Variants in SMCHD1 observed in about 807,000 individuals in gnomAD.
The protein encoded by SMCHD1 is structural maintenance of chromosomes flexible hinge domain containing 1, also known as structural maintenance of chromosomes flexible hinge domain-containing protein 1.
A neutral mutation model predicts 254.7 loss-of-function variants in SMCHD1; 78 were observed. The ratio of observed to expected loss-of-function variants is 0.31; its 90% CI spans 0.26 to 0.37. SMCHD1 has a LOEUF of 0.37. SMCHD1 is among the 10% of genes least tolerant of loss of function. The pLI is 1.00. For missense variants in SMCHD1, 1,840 were observed against 2,408.1 expected, an observed-to-expected ratio of 0.76 and a Z score of 4.94; for synonymous variants, 766 against 794.9, an observed-to-expected ratio of 0.96 and a Z score of 0.61.
Position 2,722,580 on chromosome 18 carries a change from A to G in SMCHD1, c.2520A>G (p.Pro840=), listed in dbSNP as rs1445022098. Residue 840 remains proline (P), a synonymous_variant, in exon 20 of 48, where the codon CCA becomes CCG. Transcript: ENST00000320876. Reference sequence around the variant, plus strand: ...ATCTTCCTTTTCGTGTTGGAGTTCCATTTAATATCCCTCTGGAGTTTCAGG... The same window carrying G: ...ATCTTCCTTTTCGTGTTGGAGTTCCGTTTAATATCCCTCTGGAGTTTCAGG... The part of the protein sequence containing the change: ...LLDLPFRVGV[P]FNIPLEFQDE... 20 of 1,613,306 alleles carry G rather than the reference A, an allele frequency of 1.2e-5. No homozygotes were observed. Among genetic ancestry groups the G allele is most frequent in the African/African-American group, 2.7e-5 (2 of 74,874 alleles).
At chr18:2,771,697 G>C (rs2075987480) in intron 40 of SMCHD1, 79 bp downstream of exon 40, 1 of 1,118,204 alleles carries the variant, frequency 8.9e-7, no homozygotes. Context: ...GTTTTTATTA[G>C]GAATTCTGAG....
chr18:2,735,958 C>G (rs1229324441), intron 25 of SMCHD1, among the ~76,000 whole-genome samples: 1 of 152,092 alleles, frequency 6.6e-6, no homozygotes, highest in Non-Finnish European at 1.5e-5. Context: ...GTGATTAATC[C>G]TAAGCAAAAA....
At chr18:2,711,096 C>T (rs1199488615) in intron 17 of SMCHD1, among the ~76,000 whole-genome samples, 1 of 152,072 alleles carries the variant, frequency 6.6e-6, no homozygotes, top group Non-Finnish European at 1.5e-5. Context: ...CCCACGTCAG[C>T]CTCCTGAGTA....
intron 44 of SMCHD1, chr18:2,779,099 G>GC (rs2076113805): frequency 1.3e-5 from 2 of 152,206 alleles, no homozygotes; most frequent in South Asian, 4.1e-4. Context: ...GCACAGTTTA[G>GC]CCCATAGCAC....
chr18:2,802,289 A>G (rs557113743), intron 47 of SMCHD1, among the ~76,000 whole-genome samples: 2 of 152,284 alleles, frequency 1.3e-5, no homozygotes, highest in South Asian at 4.1e-4. Context: ...CTGTGATACA[A>G]ATTACTTATA....
chr18:2,752,561 C>G lies in SMCHD1; in HGVS notation c.4346+9C>G, dbSNP rs1236411264. Reference sequence around the variant, plus strand: ...GGCTGCTTCTATTTCAGGTATTTCTCAAAACATTTCATATTTTGAATACAT... The same window carrying G: ...GGCTGCTTCTATTTCAGGTATTTCTGAAAACATTTCATATTTTGAATACAT... On this transcript the variant is annotated intron_variant, in intron 34 of 47. Transcript: ENST00000320876. 6.6e-7 allele frequency: 1 copy of G among 1,512,200 alleles called. No individual in the cohort carries two copies. Among genetic ancestry groups the G allele is most frequent in the Non-Finnish European group, 9.2e-7 (1 of 1,089,488 alleles). The allele number at this position is 1,512,200 out of a possible 1,614,324, so 93.7% of individuals were successfully genotyped here.
chr18:2,668,975 A>G (rs1345780115), intron 3 of SMCHD1, among the ~76,000 whole-genome samples: 1 of 151,918 alleles, frequency 6.6e-6, no homozygotes, highest in East Asian at 1.9e-4. Flanking sequence ...CCTAAGCTTA[A>G]ACAATCCCCC....
chr18:2,773,930 T>TA (rs897225933), intron 41 of SMCHD1, among the ~76,000 whole-genome samples: 33 of 151,726 alleles, frequency 2.2e-4, no homozygotes, highest in African/African-American at 7.3e-4. Flanking sequence ...CTCAAAAAAA[T>TA]AAAAAAACCC....
intron 28 of SMCHD1, 142 bp downstream of exon 28, chr18:2,740,963 G>T (rs1171057480): frequency 1.3e-5 from 7 of 553,976 alleles, no homozygotes; most frequent in Non-Finnish European, 1.9e-5. Context: ...TTAAAAACTT[G>T]AAAAAGTTTG....
rs1450602562 is a variant in SMCHD1 at position 2,688,715 on chromosome 18, G to A, written c.841G>A (p.Ala281Thr). The A allele has an allele frequency of 1.4e-6, 2 of 1,453,066 alleles. No homozygotes were observed. The highest frequency in any genetic ancestry group is 1.9e-6 in the Non-Finnish European group (2 of 1,059,326). The allele number at this position is 1,453,066 out of a possible 1,614,324, so 90.0% of individuals were successfully genotyped here. A position where few individuals can be genotyped will look rare whatever the true frequency, so the allele number is the denominator to read the frequency against. Residue 281 changes from alanine (A) to threonine (T), a missense_variant, in exon 7 of 48, where the codon GCA becomes ACA. Around this residue, in one of 9 missense-constraint regions of SMCHD1, gnomAD observed 498 missense variants for 743.5 expected, o/e 0.67. Coordinates refer to ENST00000320876, the MANE Select transcript of SMCHD1 (RefSeq NM_015295.3). ...TGAGAAGAAGGAGAAAAATAAAGAGGCAATATATAGTGGATATATTAGAAA... is the reference window on the plus strand; with the variant it reads ...TGAGAAGAAGGAGAAAAATAAAGAGACAATATATAGTGGATATATTAGAAA... The part of the protein sequence containing the change: ...DFEKKEKNKE[A>T]IYSGYIRNRK...
chr18:2,748,386 A>ATG lies in SMCHD1; in HGVS notation c.3927+740_3927+741insGT, dbSNP rs747348489. Among the ~76,000 whole-genome samples, 5 of 54,292 alleles carry ATG rather than the reference A, an allele frequency of 9.2e-5. 1 individual carries two copies. Among genetic ancestry groups the ATG allele is most frequent in the Admixed American group, 3.8e-4 (2 of 5,324 alleles). 35.6% of individuals were successfully genotyped at this position (54,292 alleles called of 152,430 possible). ...TGTGTGTGTGTGTGTGTGTGTGTAT[A>ATG]TAAATTTTTTTTTTTTTTTTTTTGG... is the stretch of plus-strand genomic sequence containing the variant. On this transcript the variant is annotated intron_variant, in intron 30 of 47. Coordinates refer to ENST00000320876, the MANE Select transcript of SMCHD1 (RefSeq NM_015295.3).
intron 21 of SMCHD1, among the ~76,000 whole-genome samples, chr18:2,725,886 A>G (rs945169304): frequency 6.6e-5 from 10 of 151,910 alleles, no homozygotes; most frequent in African/African-American, 2.4e-4. Context: ...AGGAGTTCGA[A>G]GATAGTATAG....
Position 2,748,380 on chromosome 18 carries a change from G to GTGTGTGTGTGTGTGTGTGTA in SMCHD1, c.3927+736_3927+737insGTGTGTGTGTGTGTGTATGT, listed in dbSNP as rs561439889. On this transcript the variant is annotated intron_variant, in intron 30 of 47. Transcript: ENST00000320876. ...TGTGTGTGTGTGTGTGTGTGTGTGT[G>GTGTGTGTGTGTGTGTGTGTA]TGTATATAAATTTTTTTTTTTTTTT... Among the ~76,000 whole-genome samples the GTGTGTGTGTGTGTGTGTGTA allele has an allele frequency of 4.1e-4, 33 of 80,246 alleles. 5 individuals are homozygous for GTGTGTGTGTGTGTGTGTGTA. The highest frequency in any genetic ancestry group is 2.2e-3 in the African/African-American group (32 of 14,558). 52.6% of individuals were successfully genotyped at this position (80,246 alleles called of 152,430 possible). A position where few individuals can be genotyped will look rare whatever the true frequency, so the allele number is the denominator to read the frequency against.
chr18:2,801,664 G>A (rs2076365083), intron 47 of SMCHD1, among the ~76,000 whole-genome samples: 1 of 151,918 alleles, frequency 6.6e-6, no homozygotes, highest in Non-Finnish European at 1.5e-5. Flanking sequence ...GTATATTTAT[G>A]TTTATGTTTT....
In SMCHD1 at chr18:2,752,475, C is replaced by T. The variant is rs769863901; in HGVS notation, c.4282-13C>T. The stretch of plus-strand genomic sequence containing the variant: ...TTTTCCCCTCTCCCCTTCTCTCCTA[C>T]TCCCCTTTCTAGGCAGAAACATTTA... On this transcript the variant is annotated splice_polypyrimidine_tract_variant and intron_variant, in intron 33 of 47. Coordinates refer to ENST00000320876, the MANE Select transcript of SMCHD1 (RefSeq NM_015295.3). The T allele has an allele frequency of 6.3e-6, 10 of 1,585,954 alleles. No homozygotes were observed. Among genetic ancestry groups the T allele is most frequent in the Non-Finnish European group, 8.7e-6 (10 of 1,155,072 alleles).
intron 38 of SMCHD1, 54 bp from the exon 39 acceptor site, chr18:2,769,935 T>A: frequency 6.5e-7 from 1 of 1,536,612 alleles, no homozygotes; most frequent in Non-Finnish European, 8.7e-7. Context: ...TTATGACATA[T>A]TTTAGAAAAG....
chr18:2,688,296 C>A, intron 5 of SMCHD1, 98 bp from the exon 6 acceptor site: 1 of 800,692 alleles, frequency 1.2e-6, no homozygotes, highest in South Asian at 1.5e-5. Context: ...TGTTTGCAGG[C>A]GTGATCATTT....
At chr18:2,752,107 C>G (rs2075585449) in intron 33 of SMCHD1, among the ~76,000 whole-genome samples, 1 of 152,082 alleles carries the variant, frequency 6.6e-6, no homozygotes, top group African/African-American at 2.4e-5. Context: ...TTATCAGTGT[C>G]CTGATATAAT....
intron 5 of SMCHD1, among the ~76,000 whole-genome samples, chr18:2,686,931 C>T (rs1249272374): frequency 6.6e-6 from 1 of 151,996 alleles, no homozygotes; most frequent in African/African-American, 2.4e-5. Context: ...TCTGTTTTCT[C>T]TTAAATTTAT....
Sources: allele counts gnomAD v4.1 joint callset (sites outside exome capture counted in the v4.1 genomes callset), GRCh38; gene constraint gnomAD v4.1.1; regional missense constraint gnomAD v4.1.1; transcripts MANE v1.5; gene names NCBI Gene and HGNC (gene_info 2026-07-23, HGNC 2026-07-21).